The following ACYP2 variants were observed in gnomAD, a reference collection of about 807,000 sequenced individuals.
ACYP2 encodes acylphosphatase 2, also known as acylphosphatase-2.
A neutral mutation model predicts 11.2 loss-of-function variants in ACYP2; 12 were observed. The observed-to-expected ratio is 1.08, with a 90% CI of 0.69 to 1.74. The LOEUF (loss-of-function observed/expected upper bound fraction) is 1.74. ACYP2 is among the 40% of genes most tolerant of loss of function. The pLI, the probability that ACYP2 is intolerant of heterozygous loss-of-function variation, is 0.00. For missense variants in ACYP2, 134 were observed against 101.9 expected (o/e 1.31, Z -1.35); for synonymous variants, 43 against 32.2 (o/e 1.33, Z -1.13).
intron 4 of ACYP2, among the ~76,000 whole-genome samples, chr2:54,134,343 A>G (rs551044534): frequency 9.2e-5 from 14 of 152,276 alleles, no homozygotes; most frequent in African/African-American, 3.4e-4. Context: ...TAAAGAACTG[A>G]GGCTTCAGAA....
chr2:54,062,248 A>G (rs1161383026), intron 4 of ACYP2, among the ~76,000 whole-genome samples: 1 of 151,584 alleles, frequency 6.6e-6, no homozygotes, highest in Non-Finnish European at 1.5e-5. Context: ...GGCTTGAACG[A>G]CTCCCTTGCT....
rs373494581 is a variant in ACYP2 at position 54,051,318 on chromosome 2, A to G, written c.155+268A>G. The G allele has an allele frequency of 5.8e-4, 442 of 765,332 alleles. 1 individual carries two copies. The African/African-American group carries it at 6.6e-3, about 11-fold the overall frequency. The allele number at this position is 765,332 out of a possible 1,614,324, so 47.4% of individuals were successfully genotyped here. On this transcript the variant is annotated intron_variant, in intron 3 of 6. Transcript: ENST00000607452. ...AAGCAGCAGCCAGATGCTTCAGTCAACTTCTCAGAGTTTTTAAGAAGTGCT... is the reference window on the plus strand; with the variant it reads ...AAGCAGCAGCCAGATGCTTCAGTCAGCTTCTCAGAGTTTTTAAGAAGTGCT...
In ACYP2 at chr2:54,084,133, T is replaced by C. The variant is rs570166867; in HGVS notation, c.277+26773T>C. The stretch of plus-strand genomic sequence containing the variant: ...GTTCAGCTCCTTACATGGGCTTTGG[T>C]GGAGGTGAAAGGTGACCTGATAAAT... On this transcript the variant is annotated intron_variant, in intron 4 of 6. Transcript: ENST00000607452. 2.0e-5 allele frequency among the ~76,000 whole-genome samples: 3 copies of C among 152,316 alleles called. No homozygotes were observed. In the South Asian group the frequency reaches 6.2e-4, roughly 32 times the overall value.
intron 6 of ACYP2, among the ~76,000 whole-genome samples, chr2:54,256,885 C>T (rs920560530): frequency 5.9e-5 from 9 of 152,120 alleles, no homozygotes; most frequent in Admixed American, 2.6e-4. Flanking sequence ...CCAGGCTGGT[C>T]TGAACTCCTG....
intron 2 of ACYP2, among the ~76,000 whole-genome samples, chr2:54,004,895 A>AT (rs1672982262): frequency 1.1e-5 from 1 of 94,698 alleles, no homozygotes; most frequent in East Asian, 2.8e-4. Context: ...ACTCTGTCTC[A>AT]AAAAAAAAAA....
At chr2:54,278,866 A>G (rs566515704) in intron 6 of ACYP2, among the ~76,000 whole-genome samples, 27 of 152,312 alleles carry the variant, frequency 1.8e-4, no homozygotes, top group Admixed American at 5.9e-4. Context: ...CTGCTGTACT[A>G]TCATTAAGGA....
Position 54,252,903 on chromosome 2 carries a change from C to CAA in ACYP2, c.405-51772_405-51771dup, listed in dbSNP as rs750791731. The stretch of plus-strand genomic sequence containing the variant: ...TGGGCGACTGAGCGAGACTCCGTCT[C>CAA]AAAAAAAAAAAAAATATGCCAATGG... On this transcript the variant is annotated intron_variant, in intron 6 of 6. Transcript: ENST00000607452. Among the ~76,000 whole-genome samples the CAA allele has an allele frequency of 1.2e-3, 169 of 136,040 alleles. 1 individual carries two copies. Among genetic ancestry groups the CAA allele is most frequent in the African/African-American group, 3.2e-3 (118 of 36,698 alleles). 89.2% of individuals were successfully genotyped at this position (136,040 alleles called of 152,430 possible). A position where few individuals can be genotyped will look rare whatever the true frequency, so the allele number is the denominator to read the frequency against.
intron 6 of ACYP2, among the ~76,000 whole-genome samples, chr2:54,222,517 A>G (rs1302111019): frequency 1.3e-5 from 2 of 149,114 alleles, no homozygotes; most frequent in Admixed American, 6.7e-5. Flanking sequence ...GCCACTGCAC[A>G]CCAGCCTGGG....
Position 54,115,524 on chromosome 2 carries a change from C to T in ACYP2, c.278-19929C>T, listed in dbSNP as rs542849098. The T allele has an allele frequency of 6.2e-5, 92 of 1,481,654 alleles. No individual in the cohort carries two copies. The East Asian group carries it at 2.1e-3, about 34-fold the overall frequency. 91.8% of individuals were successfully genotyped at this position (1,481,654 alleles called of 1,614,324 possible). A position where few individuals can be genotyped will look rare whatever the true frequency, so the allele number is the denominator to read the frequency against. On this transcript the variant is annotated intron_variant, in intron 4 of 6. Transcript: ENST00000607452. ...GTCCCCGGCTGCCCTCGCTCCCAGG[C>T]CCCGCAGTCTCATTTGCCGCTTCCG...
chr2:54,061,583 C>T (rs896628082), intron 4 of ACYP2, among the ~76,000 whole-genome samples: 1 of 152,164 alleles, frequency 6.6e-6, no homozygotes, highest in South Asian at 2.1e-4. Context: ...CTCTGATTGG[C>T]TTTAGCATAA....
chr2:54,232,881 C>G (rs1686298212), intron 6 of ACYP2, among the ~76,000 whole-genome samples: 1 of 152,132 alleles, frequency 6.6e-6, no homozygotes, highest in African/African-American at 2.4e-5. Context: ...AGGCCCCTCC[C>G]TTGACATATA....
chr2:54,300,247 A>G (rs935193168), intron 6 of ACYP2, among the ~76,000 whole-genome samples: 4 of 152,208 alleles, frequency 2.6e-5, no homozygotes, highest in Admixed American at 2.6e-4. Flanking sequence ...CGAATCTTCA[A>G]TTCATTCCCT....
chr2:54,287,570 G>A (rs777363484), intron 6 of ACYP2, among the ~76,000 whole-genome samples: 1 of 151,918 alleles, frequency 6.6e-6, no homozygotes, highest in African/African-American at 2.4e-5. Context: ...TACAGTTTCT[G>A]CCTGGCTCTA....
At chr2:53,976,406 T>A (rs538189607) in intron 2 of ACYP2, among the ~76,000 whole-genome samples, 55 of 152,276 alleles carry the variant, frequency 3.6e-4, no homozygotes, top group African/African-American at 1.0e-3. Flanking sequence ...AGAGTCTCAA[T>A]GTGTTGCCCG....
intron 4 of ACYP2, among the ~76,000 whole-genome samples, chr2:54,095,536 G>C (rs1235807001): frequency 6.7e-6 from 1 of 148,904 alleles, no homozygotes; most frequent in African/African-American, 2.5e-5. Flanking sequence ...CCTCCCTCCC[G>C]GACGGGGCAG....
At chr2:53,989,262 G>A (rs1399106030) in intron 2 of ACYP2, among the ~76,000 whole-genome samples, 2 of 141,158 alleles carry the variant, frequency 1.4e-5, no homozygotes, top group East Asian at 4.4e-4. Context: ...CAAAAAGTCA[G>A]ATTGGTAGAC....
At chr2:54,051,302 C>G in intron 3 of ACYP2, 1 of 767,056 alleles carries the variant, frequency 1.3e-6, no homozygotes, top group Non-Finnish European at 2.4e-6. Context: ...GAAGCAGCAG[C>G]CAGATGCTTC....
intron 4 of ACYP2, among the ~76,000 whole-genome samples, chr2:54,127,046 C>A (rs1443319527): frequency 6.8e-6 from 1 of 147,580 alleles, no homozygotes; most frequent in Non-Finnish European, 1.5e-5. Flanking sequence ...AATTGGCCAA[C>A]TTTTCACAAT....
chr2:54,205,845 C>T (rs1046974298), intron 6 of ACYP2, among the ~76,000 whole-genome samples: 2 of 152,118 alleles, frequency 1.3e-5, no homozygotes, highest in African/African-American at 4.8e-5. Context: ...GCTAATTTTG[C>T]ACTTTTAATG....
Sources: gnomAD v4.1 joint callset for allele counts (sites outside exome capture counted in the v4.1 genomes callset) on GRCh38, gnomAD v4.1.1 for gene constraint, MANE v1.5 for transcripts, NCBI Gene and HGNC (gene_info 2026-07-23, HGNC 2026-07-21) for gene names.